The following MEF2A variants were observed in gnomAD, a reference collection of about 807,000 sequenced individuals.
MEF2A encodes the protein myocyte-specific enhancer factor 2A.
In MEF2A, 28 loss-of-function variants were observed where a neutral mutation model predicts 55.8. That is an observed-to-expected ratio of 0.50 (90% CI 0.37 to 0.69). MEF2A has a LOEUF of 0.69. Among genes scored for constraint, MEF2A ranks in the 30% least tolerant of loss-of-function variants. MEF2A has a pLI of 0.00. For synonymous variants in MEF2A, 239 were observed against 227.1 expected, an observed-to-expected ratio of 1.05 and a Z score of -0.47; for missense variants, 528 against 626.2, an observed-to-expected ratio of 0.84 and a Z score of 1.67.
At chr15:99,669,658 T>A (rs2050467528) in intron 4 of MEF2A, among the ~76,000 whole-genome samples, 3 of 152,240 alleles carry the variant, frequency 2.0e-5, no homozygotes, top group Admixed American at 2.0e-4. Context: ...GTACTAATGA[T>A]TGTTTATGAT....
chr15:99,614,770 A>G (rs2039913292), intron 2 of MEF2A, among the ~76,000 whole-genome samples: 1 of 152,178 alleles, frequency 6.6e-6, no homozygotes, highest in Non-Finnish European at 1.5e-5. Context: ...GGCTTGGGAT[A>G]AGAGCTACTG....
chr15:99,702,275 A>G (rs535222469), intron 8 of MEF2A, among the ~76,000 whole-genome samples: 2 of 152,320 alleles, frequency 1.3e-5, no homozygotes, highest in South Asian at 2.1e-4. Context: ...CTTCCAGATT[A>G]GGGCTTCATG....
chr15:99,573,560 A>G (rs762668741), intron 1 of MEF2A, among the ~76,000 whole-genome samples: 2 of 152,192 alleles, frequency 1.3e-5, no homozygotes, highest in African/African-American at 2.4e-5. Flanking sequence ...TTTGAAATGC[A>G]TATCTCTGTT....
intron 6 of MEF2A, among the ~76,000 whole-genome samples, chr15:99,675,026 T>A (rs748422909): frequency 6.6e-6 from 1 of 152,206 alleles, no homozygotes; most frequent in Non-Finnish European, 1.5e-5. Flanking sequence ...AAATTTATGT[T>A]ACATTTATTG....
At chr15:99,697,314 G>T (rs1453583919) in intron 8 of MEF2A, among the ~76,000 whole-genome samples, 3 of 152,008 alleles carry the variant, frequency 2.0e-5, no homozygotes, top group African/African-American at 7.2e-5. Context: ...ATTCATAGGA[G>T]ATAGATTCTT....
intron 9 of MEF2A, among the ~76,000 whole-genome samples, chr15:99,705,735 T>G (rs189447516): frequency 6.6e-6 from 1 of 152,384 alleles, no homozygotes; most frequent in East Asian, 1.9e-4. Context: ...GGAATCACAT[T>G]CTAACTCTTC....
At chr15:99,578,528 G>C in intron 1 of MEF2A, among the ~76,000 whole-genome samples, 1 of 152,114 alleles carries the variant, frequency 6.6e-6, no homozygotes, top group Non-Finnish European at 1.5e-5. Context: ...CAAAGCCCTG[G>C]CTCCTTGTTT....
chr15:99,628,228 G>C (rs538583836), intron 2 of MEF2A, among the ~76,000 whole-genome samples: 6 of 152,142 alleles, frequency 3.9e-5, no homozygotes, highest in African/African-American at 1.4e-4. Flanking sequence ...TCTAGTGTCT[G>C]CCTCCTGCAT....
At chr15:99,599,078 T>A (rs1972153736) in intron 2 of MEF2A, among the ~76,000 whole-genome samples, 2 of 152,108 alleles carry the variant, frequency 1.3e-5, no homozygotes, top group African/African-American at 4.8e-5. Context: ...CTATTTTGAT[T>A]AAAAAACTTA....
At chr15:99,662,569 G>C (rs1452075071) in intron 4 of MEF2A, among the ~76,000 whole-genome samples, 1 of 151,534 alleles carries the variant, frequency 6.6e-6, no homozygotes, top group Non-Finnish European at 1.5e-5. Flanking sequence ...CCACCTCCTG[G>C]GGTTAAAGCG....
chr15:99,674,295 T>C (rs1250505570), intron 5 of MEF2A, 98 bp from the exon 6 acceptor site: 2 of 1,081,898 alleles, frequency 1.8e-6, no homozygotes, highest in African/African-American at 3.2e-5. Flanking sequence ...TCCTCTACTT[T>C]TAGTAACTTG....
At chr15:99,602,929 AGTTG>A (rs1973825161) in intron 2 of MEF2A, among the ~76,000 whole-genome samples, 1 of 151,950 alleles carries the variant, frequency 6.6e-6, no homozygotes, top group Non-Finnish European at 1.5e-5. Context: ...AATAAGCTTT[AGTTG>A]TTTGTTTTTC....
In MEF2A at chr15:99,716,351, G is replaced by A. The variant is rs550221391; in HGVS notation, c.*3580G>A. ...AATAAGTTAATCTCAATTTTTCCCTGAATGTGTTGTTTTTCTTCATTATAC... is the reference window on the plus strand; with the variant it reads ...AATAAGTTAATCTCAATTTTTCCCTAAATGTGTTGTTTTTCTTCATTATAC... On this transcript the variant is annotated 3_prime_UTR_variant, in exon 12 of 12. Coordinates refer to ENST00000557942, the MANE Select transcript of MEF2A (RefSeq NM_001319206.4). The A allele has an allele frequency of 5.3e-4, 186 of 352,814 alleles. 1 individual carries two copies. Among genetic ancestry groups the A allele is most frequent in the South Asian group, 1.9e-3 (87 of 46,322 alleles). The allele number at this position is 352,814 out of a possible 1,614,324, so 21.9% of individuals were successfully genotyped here.
chr15:99,591,903 T>C (rs1969422793), intron 1 of MEF2A, among the ~76,000 whole-genome samples: 1 of 152,212 alleles, frequency 6.6e-6, no homozygotes, highest in South Asian at 2.1e-4. Flanking sequence ...TTTTGAAGTT[T>C]ATGCCTTTAA....
At chr15:99,621,786 C>T (rs1224636692) in intron 2 of MEF2A, among the ~76,000 whole-genome samples, 1 of 151,972 alleles carries the variant, frequency 6.6e-6, no homozygotes, top group Non-Finnish European at 1.5e-5. Flanking sequence ...GATAGAGATG[C>T]CTGTTTATTT....
intron 2 of MEF2A, among the ~76,000 whole-genome samples, chr15:99,627,945 G>C (rs1298528366): frequency 6.6e-6 from 1 of 152,142 alleles, no homozygotes; most frequent in Non-Finnish European, 1.5e-5. Context: ...ACTATAAAAG[G>C]GGATTTTTTT....
At position 99,619,552 on chromosome 15, in the gene MEF2A, G is replaced by A. The variant is rs13379828; in HGVS notation, c.-142-13426G>A. Among the ~76,000 whole-genome samples the A allele has an allele frequency of 6.7e-3, 1,017 of 152,208 alleles. 11 individuals carry two copies. Among genetic ancestry groups the A allele is most frequent in the African/African-American group, 0.023 (967 of 41,528 alleles). ...TATTGCTGTTGTTACTATGCAGCAG[G>A]GCCCTAGAAAACCTTTCTTTCTCCA... On this transcript the variant is annotated intron_variant, in intron 2 of 11. Coordinates refer to ENST00000557942, the MANE Select transcript of MEF2A (RefSeq NM_001319206.4).
chr15:99,703,384 T>C lies in MEF2A; in HGVS notation c.881T>C (p.Leu294Ser). ...CAGTCGGAGGAAGAGGAATTGGAGT[T>C]GGTGAGTGTGGGTTTCTGCTTGAAG... ...PPLSEEEELELNTQRISSSQA... is the reference protein window; with the variant it reads ...PPLSEEEELESNTQRISSSQA... Residue 294 changes from leucine (L) to serine (S), a missense_variant and splice_region_variant, in exon 9 of 12, where the codon TTG becomes TCG. Physicochemically the swap from Leu to Ser is moderately radical, Grantham distance 145. This residue lies in a region of MEF2A where 450 missense variants were observed against 475.3 expected (regional missense o/e 0.95). Transcript: ENST00000557942. 1 of 1,609,190 alleles carries C rather than the reference T, an allele frequency of 6.2e-7. No homozygotes were observed. The highest frequency in any genetic ancestry group is 1.1e-5 in the South Asian group (1 of 90,072).
chr15:99,585,511 G>A (rs1481030475), intron 1 of MEF2A, among the ~76,000 whole-genome samples: 1 of 152,104 alleles, frequency 6.6e-6, no homozygotes, highest in Non-Finnish European at 1.5e-5. Context: ...GCTATTTAAT[G>A]ATTCTAAATA....
Sources: gnomAD v4.1 joint callset for allele counts (sites outside exome capture counted in the v4.1 genomes callset) on GRCh38, gnomAD v4.1.1 for gene constraint, gnomAD v4.1.1 regional missense constraint, MANE v1.5 for transcripts, NCBI Gene and HGNC (gene_info 2026-07-23, HGNC 2026-07-21) for gene names.